GABRR1: variants seen among roughly 807,000 people sequenced by gnomAD.
GABRR1 encodes gamma-aminobutyric acid receptor subunit rho-1.
A neutral mutation model predicts 55.5 loss-of-function variants in GABRR1; 59 were observed. The ratio of observed to expected loss-of-function variants is 1.06; its 90% confidence interval spans 0.86 to 1.32. The LOEUF (loss-of-function observed/expected upper bound fraction) is 1.32, where lower values mean the gene tolerates loss of function less well. GABRR1 is among the 40% of genes most tolerant of loss of function. GABRR1 has a pLI of 0.00. For missense variants in GABRR1, 602 were observed against 619.1 expected (o/e 0.97, Z 0.29); for synonymous variants, 213 against 226.0 (o/e 0.94, Z 0.51).
At chr6:89,203,742 G>C (rs1447841801) in intron 1 of GABRR1, among the ~76,000 whole-genome samples, 1 of 152,164 alleles carries the variant, frequency 6.6e-6, no homozygotes, top group African/African-American at 2.4e-5. Context: ...CTCCCCCACT[G>C]GTCTACCCGG....
chr6:89,217,554 T>C (rs1773027275), upstream of GABRR1: 1 of 414,628 alleles, frequency 2.4e-6, no homozygotes, highest in Non-Finnish European at 4.3e-6. Context: ...GTTGAATTCC[T>C]GTGTCCCAGT....
At chr6:89,205,959 C>T (rs3818683) in intron 1 of GABRR1, among the ~76,000 whole-genome samples, 83,537 of 148,492 alleles carry the variant, frequency 0.56, 24,140 homozygotes, top group Middle Eastern at 0.63. Context: ...CTCCACTTCT[C>T]AGACATGTAC....
chr6:89,224,785 AT>A (rs67401452), intron 1 of GABRR1, among the ~76,000 whole-genome samples: 54,139 of 149,700 alleles, frequency 0.36, 10,199 homozygotes, highest in African/African-American at 0.45. Context: ...TTCTTCTAGA[AT>A]TTTTTTTTTT....
intron 5 of GABRR1, among the ~76,000 whole-genome samples, chr6:89,196,108 T>G (rs896104567): frequency 6.6e-6 from 1 of 152,252 alleles, no homozygotes; most frequent in Non-Finnish European, 1.5e-5. Context: ...TAGTTTTTCA[T>G]TGTTTCACTT....
chr6:89,215,600 C>T (rs181674458), intron 1 of GABRR1, among the ~76,000 whole-genome samples: 4 of 152,208 alleles, frequency 2.6e-5, no homozygotes, highest in Admixed American at 1.3e-4. Flanking sequence ...TTTTTTGAGA[C>T]ATATTGCACA....
At chr6:89,184,614 G>A (rs759689237) in intron 7 of GABRR1, among the ~76,000 whole-genome samples, 4 of 152,162 alleles carry the variant, frequency 2.6e-5, no homozygotes, top group East Asian at 3.9e-4. Context: ...CAGGGAGAAC[G>A]TAAATTGAAA....
chr6:89,217,275 C>G lies in GABRR1; in HGVS notation c.48G>C (p.Trp16Cys). The change falls in exon 1 of 10, where the codon TGG becomes TGC. Residue 16 changes from tryptophan (W) to cysteine (C), a missense_variant. Physicochemically the swap from Trp to Cys is radical, Grantham distance 215. Around this residue, in one of 3 missense-constraint regions of GABRR1, gnomAD observed 435 missense variants for 424.2 expected, o/e 1.03. Coordinates refer to ENST00000454853, the MANE Select transcript of GABRR1 (RefSeq NM_002042.5). ...TGCTTTCAGTGGCCAAAACCCATCC[C>G]CACCACAAAAGAAAGATGCCAAATC... ...NMRFGIFLLW[W>C]GWVLATESRM... The G allele has an allele frequency of 6.2e-7, 1 of 1,614,100 alleles. No individual in the cohort carries two copies. The highest frequency in any genetic ancestry group is 8.5e-7 in the Non-Finnish European group (1 of 1,179,996).
intron 5 of GABRR1, among the ~76,000 whole-genome samples, chr6:89,196,588 T>C (rs761235551): frequency 6.6e-6 from 1 of 151,992 alleles, no homozygotes; most frequent in Non-Finnish European, 1.5e-5. Context: ...CTGAGCAACA[T>C]AGGGACATTC....
chr6:89,195,254 A>G (rs1772225913), intron 5 of GABRR1, among the ~76,000 whole-genome samples: 1 of 152,126 alleles, frequency 6.6e-6, no homozygotes, highest in African/African-American at 2.4e-5. Context: ...TGAACTCAGG[A>G]GTTTGAGACC....
At chr6:89,211,450 A>G (rs1166940515) in intron 1 of GABRR1, among the ~76,000 whole-genome samples, 2 of 151,858 alleles carry the variant, frequency 1.3e-5, no homozygotes, top group African/African-American at 4.8e-5. Context: ...TACTGTCTAT[A>G]TTCACTCCAT....
intron 5 of GABRR1, among the ~76,000 whole-genome samples, chr6:89,193,754 C>G (rs1772175837): frequency 6.6e-6 from 1 of 152,278 alleles, no homozygotes; most frequent in South Asian, 2.1e-4. Context: ...TCACTCCACA[C>G]CACAGAAAAC....
intron 7 of GABRR1, among the ~76,000 whole-genome samples, chr6:89,184,365 CAGCTATTTAGCGCAGGCA>C (rs1192233376): frequency 6.6e-6 from 1 of 151,618 alleles, no homozygotes; most frequent in Non-Finnish European, 1.5e-5. Context: ...AAGTTAACCT[CAGCTATTTAGCGCAGGCA>C]AGCTCCCAGG....
At chr6:89,222,438 C>G (rs990197539) in intron 1 of GABRR1, among the ~76,000 whole-genome samples, 2 of 152,106 alleles carry the variant, frequency 1.3e-5, no homozygotes, top group African/African-American at 4.8e-5. Context: ...TCAGATTAGT[C>G]AGAACATCCA....
In GABRR1 at chr6:89,185,393, T is replaced by C. The variant is rs1312364963; in HGVS notation, c.713A>G (p.Lys238Arg). ...GGAGAGTGAGATCCGTTCATCTGTC[T>C]TTAAGGAGTCATTGCCCTTTTTCCA... ...LYWKKGNDSL[K>R]TDERISLSQF... is the part of the protein sequence containing the mutation. The change falls in exon 7 of 10, where the codon AAG (lysine) becomes AGG (arginine). Residue 238 changes from lysine to arginine, a missense_variant. By Grantham distance (26) the Lys-to-Arg change is conservative. Around this residue, in one of 3 missense-constraint regions of GABRR1, gnomAD observed 435 missense variants for 424.2 expected, o/e 1.03. Transcript: ENST00000454853. 1 of 1,613,780 alleles carries C rather than the reference T, an allele frequency of 6.2e-7. No individual in the cohort carries two copies. Among genetic ancestry groups the C allele is most frequent in the African/African-American group, 1.3e-5 (1 of 75,032 alleles).
chr6:89,177,848 C>T lies in GABRR1; in HGVS notation c.*922G>A, dbSNP rs961544533. On this transcript the variant is annotated 3_prime_UTR_variant, in exon 10 of 10. Coordinates refer to ENST00000454853, the MANE Select transcript of GABRR1 (RefSeq NM_002042.5). ...CTTAAGAAACCATGTGAGTATTTCT[C>T]ATTCTAATGAGTTACAAGTAGTCCC... 10 of 152,190 alleles carry T rather than the reference C, an allele frequency of 6.6e-5. No individual in the cohort carries two copies. The allele number at this position is 152,190 out of a possible 1,614,324, so 9.4% of individuals were successfully genotyped here.
At chr6:89,220,258 C>CA (rs1459123894), upstream of GABRR1, among the ~76,000 whole-genome samples, 1 of 152,214 alleles carries the variant, frequency 6.6e-6, no homozygotes, top group African/African-American at 2.4e-5. Context: ...CGGAAGGCCT[C>CA]AAACACGCAT....
At chr6:89,183,160 C>CAA (rs56208298) in intron 7 of GABRR1, among the ~76,000 whole-genome samples, 2,025 of 138,016 alleles carry the variant, frequency 0.015, 60 homozygotes, top group Non-Finnish European at 0.016. Context: ...AAAAAAAAGA[C>CAA]AAAAAAAAAA....
upstream of GABRR1, among the ~76,000 whole-genome samples, chr6:89,219,945 A>G (rs1347910160): frequency 1.3e-5 from 2 of 152,236 alleles, no homozygotes; most frequent in Non-Finnish European, 2.9e-5. Context: ...GATGTCAAAA[A>G]CATTCAACAT....
upstream of GABRR1, among the ~76,000 whole-genome samples, chr6:89,220,446 C>T (rs1348744527): frequency 7.2e-5 from 11 of 152,206 alleles, no homozygotes; most frequent in Admixed American, 7.2e-4. Context: ...CTGCTTTGGG[C>T]TTGAGCCAAC....
Sources: gnomAD v4.1 joint callset for allele counts (sites outside exome capture counted in the v4.1 genomes callset) on GRCh38, gnomAD v4.1.1 for gene constraint, gnomAD v4.1.1 regional missense constraint, MANE v1.5 for transcripts, NCBI Gene and HGNC (gene_info 2026-07-23, HGNC 2026-07-21) for gene names.